The following CHRM3 variants were observed in gnomAD, a reference collection of about 807,000 sequenced individuals.
The protein encoded by CHRM3 is muscarinic acetylcholine receptor M3.
Under a neutral mutation model 41.8 loss-of-function variants are expected in CHRM3, and 11 were observed. The ratio of observed to expected loss-of-function variants is 0.26; its 90% CI spans 0.17 to 0.44. CHRM3 has a LOEUF of 0.44. Among genes scored for constraint, CHRM3 ranks in the 20% least tolerant of loss-of-function variants. CHRM3 has a pLI of 1.00. For missense variants in CHRM3, 571 were observed against 745.4 expected, an observed-to-expected ratio of 0.77 and a Z score of 2.72; for synonymous variants, 297 against 301.4, an observed-to-expected ratio of 0.99 and a Z score of 0.15.
intron 5 of CHRM3, among the ~76,000 whole-genome samples, chr1:239,711,015 A>C (rs553082208): frequency 1.3e-5 from 2 of 152,226 alleles, no homozygotes; most frequent in South Asian, 4.1e-4. Context: ...TGCAAGACCC[A>C]GCAAAAATGC....
intron 5 of CHRM3, among the ~76,000 whole-genome samples, chr1:239,797,300 C>T (rs1669859671): frequency 6.6e-6 from 1 of 151,916 alleles, no homozygotes; most frequent in South Asian, 2.1e-4. Flanking sequence ...AACTCAGCAT[C>T]ACGCAATATA....
rs180713082 is a variant in CHRM3 at position 239,890,484 on chromosome 1, T to C, written c.-19-16949T>C. 1.2e-4 allele frequency among the ~76,000 whole-genome samples: 18 copies of C among 152,306 alleles called. No individual in the cohort carries two copies. In the East Asian group the frequency reaches 2.7e-3, roughly 23 times the overall value. ...CTCTTAATCCCTCTGAGCATCAGTGTCCTCATACATACAATATTGAGAATA... is the reference window on the plus strand; with the variant it reads ...CTCTTAATCCCTCTGAGCATCAGTGCCCTCATACATACAATATTGAGAATA... On this transcript the variant is annotated intron_variant, in intron 6 of 6. Transcript: ENST00000676153.
rs549809898 is a variant in CHRM3, at chr1:239,459,123, T to G, written c.-520-33586T>G. 3.3e-5 allele frequency among the ~76,000 whole-genome samples: 5 copies of G among 152,266 alleles called. No individual in the cohort carries two copies. In the East Asian group the frequency reaches 7.7e-4, roughly 24 times the overall value. Reference sequence around the variant, plus strand: ...ACAGGAAGAGGTGGACAGGGGATTTTGTAACACAGACCAGTGGCTAGAAAG... The same window carrying G: ...ACAGGAAGAGGTGGACAGGGGATTTGGTAACACAGACCAGTGGCTAGAAAG... On this transcript the variant is annotated intron_variant, in intron 1 of 6. Coordinates refer to ENST00000676153, the MANE Select transcript of CHRM3 (RefSeq NM_001375978.1).
At chr1:239,827,756 C>CA (rs1005148864) in intron 6 of CHRM3, among the ~76,000 whole-genome samples, 2 of 151,320 alleles carry the variant, frequency 1.3e-5, no homozygotes, top group Non-Finnish European at 3.0e-5. Context: ...ATTTAACCCA[C>CA]AAAAAAAAAT....
At chr1:239,721,758 A>G (rs1285384702) in intron 5 of CHRM3, among the ~76,000 whole-genome samples, 5 of 151,972 alleles carry the variant, frequency 3.3e-5, no homozygotes, top group Admixed American at 6.6e-5. Flanking sequence ...AGTCTTTACT[A>G]TATAATCTGA....
At chr1:239,618,644 A>G (rs372930845) in intron 3 of CHRM3, among the ~76,000 whole-genome samples, 19 of 151,492 alleles carry the variant, frequency 1.3e-4, no homozygotes, top group African/African-American at 3.9e-4. Context: ...GGAGATCGAG[A>G]CCATCCTGGC....
At chr1:239,391,519 T>G (rs1269595940) in intron 1 of CHRM3, among the ~76,000 whole-genome samples, 1 of 152,174 alleles carries the variant, frequency 6.6e-6, no homozygotes, top group Non-Finnish European at 1.5e-5. Context: ...TCTTTTAGGC[T>G]GGCGATCTGC....
chr1:239,780,714 G>T lies in CHRM3; in HGVS notation c.-146-46538G>T, dbSNP rs115506008. On this transcript the variant is annotated intron_variant, in intron 5 of 6. Coordinates refer to ENST00000676153, the MANE Select transcript of CHRM3 (RefSeq NM_001375978.1). ...CAAGGCCACCTAGATTTTCTCCTTC[G>T]TTACGTTCTAGAAGTTTTATAATTT... Among the ~76,000 whole-genome samples the T allele has an allele frequency of 6.4e-3, 979 of 152,040 alleles. 4 individuals carry two copies. Among genetic ancestry groups the T allele is most frequent in the Non-Finnish European group, 0.01 (680 of 67,972 alleles).
intron 3 of CHRM3, among the ~76,000 whole-genome samples, chr1:239,588,957 G>A (rs1215539416): frequency 4.6e-5 from 7 of 150,932 alleles, no homozygotes; most frequent in Non-Finnish European, 8.8e-5. Flanking sequence ...TTTTTTAGAC[G>A]GAGTCTCGCT....
Position 239,638,032 on chromosome 1 carries a change from A to C in CHRM3, c.-250+5746A>C, listed in dbSNP as rs1361081813. 2.0e-5 allele frequency among the ~76,000 whole-genome samples: 3 copies of C among 150,340 alleles called. No individual in the cohort carries two copies. In the East Asian group the frequency reaches 6.0e-4, roughly 30 times the overall value. The stretch of plus-strand genomic sequence containing the variant: ...GCAGTGTTTGGTTTTTTGTTCTTGC[A>C]ATAGTTTACTGAGAATGATGATTTC... On this transcript the variant is annotated intron_variant, in intron 4 of 6. Coordinates refer to ENST00000676153, the MANE Select transcript of CHRM3 (RefSeq NM_001375978.1).
At chr1:239,656,549 G>A (rs1672740944) in intron 4 of CHRM3, among the ~76,000 whole-genome samples, 1 of 152,096 alleles carries the variant, frequency 6.6e-6, no homozygotes, top group Non-Finnish European at 1.5e-5. Flanking sequence ...GCTAAGGTGG[G>A]AGGATCACTT....
intron 4 of CHRM3, among the ~76,000 whole-genome samples, chr1:239,639,820 G>T (rs1670903247): frequency 1.4e-5 from 2 of 147,784 alleles, no homozygotes; most frequent in South Asian, 4.4e-4. Context: ...AGTGGTGAGA[G>T]AGGGCATCCC....
chr1:239,444,959 G>T (rs1373008985), intron 1 of CHRM3, among the ~76,000 whole-genome samples: 1 of 152,186 alleles, frequency 6.6e-6, no homozygotes, highest in Non-Finnish European at 1.5e-5. Context: ...AAGACAAGAA[G>T]AGAGGAGGAT....
chr1:239,487,537 T>C (rs868563018), intron 1 of CHRM3, among the ~76,000 whole-genome samples: 1 of 152,012 alleles, frequency 6.6e-6, no homozygotes, highest in African/African-American at 2.4e-5. Context: ...AACCAAACAC[T>C]TCAGACTTCA....
chr1:239,657,272 C>T (rs928080534), intron 4 of CHRM3, among the ~76,000 whole-genome samples: 2 of 152,210 alleles, frequency 1.3e-5, no homozygotes, highest in African/African-American at 4.8e-5. Flanking sequence ...TCCTAATGCT[C>T]TCTCTACATT....
chr1:239,820,774 T>C (rs1052469127), intron 5 of CHRM3, among the ~76,000 whole-genome samples: 1 of 152,158 alleles, frequency 6.6e-6, no homozygotes, highest in Non-Finnish European at 1.5e-5. Flanking sequence ...AACTATGCAT[T>C]TCTTGAAATA....
intron 4 of CHRM3, among the ~76,000 whole-genome samples, chr1:239,655,951 T>C (rs1217401719): frequency 6.6e-6 from 1 of 152,228 alleles, no homozygotes; most frequent in Non-Finnish European, 1.5e-5. Context: ...GTGGTACTTT[T>C]ATACACCATG....
At chr1:239,570,923 C>T (rs2148534584) in intron 3 of CHRM3, among the ~76,000 whole-genome samples, 1 of 152,224 alleles carries the variant, frequency 6.6e-6, no homozygotes, top group African/African-American at 2.4e-5. Flanking sequence ...AACACAAACT[C>T]CATCTTCACT....
At chr1:239,678,553 TG>T (rs1658231191) in intron 5 of CHRM3, among the ~76,000 whole-genome samples, 1 of 152,204 alleles carries the variant, frequency 6.6e-6, no homozygotes, top group South Asian at 2.1e-4. Context: ...TACACTTATA[TG>T]GTTCTGAAAA....
Sources: gnomAD v4.1 joint callset for allele counts (sites outside exome capture counted in the v4.1 genomes callset) on GRCh38, gnomAD v4.1.1 for gene constraint, MANE v1.5 for transcripts, NCBI Gene and HGNC (gene_info 2026-07-23, HGNC 2026-07-21) for gene names.